Variants in ABLIM2 observed in about 807,000 individuals in gnomAD.
ABLIM2 encodes the protein actin-binding LIM protein 2.
Under a neutral mutation model 97.7 loss-of-function variants are expected in ABLIM2, and 53 were observed. That is an observed-to-expected ratio of 0.54 (90% CI 0.44 to 0.68). The LOEUF (loss-of-function observed/expected upper bound fraction) is 0.68, where lower values mean the gene tolerates loss of function less well. Among genes scored for constraint, ABLIM2 ranks in the 30% least tolerant of loss-of-function variants. The pLI is 0.00. For synonymous variants in ABLIM2, 361 were observed against 345.8 expected (o/e 1.04, Z -0.49); for missense variants, 835 against 867.2 (o/e 0.96, Z 0.47).
intron 20 of ABLIM2, among the ~76,000 whole-genome samples, chr4:7,976,846 T>C (rs1020133810): frequency 8.6e-5 from 13 of 151,832 alleles, no homozygotes; most frequent in East Asian, 7.7e-4. Flanking sequence ...TGCACACACA[T>C]ATACACACAT....
chr4:8,012,550 C>T (rs1166369060), intron 14 of ABLIM2, among the ~76,000 whole-genome samples: 1 of 149,822 alleles, frequency 6.7e-6, no homozygotes, highest in Non-Finnish European at 1.5e-5. Context: ...ATCCATCTAC[C>T]CACTCACCCA....
intron 9 of ABLIM2, 98 bp downstream of exon 9, chr4:8,045,066 C>A (rs760827011): frequency 3.6e-6 from 4 of 1,096,502 alleles, no homozygotes; most frequent in Non-Finnish European, 5.6e-6. Flanking sequence ...TGATAGTTCT[C>A]GGAAAACTCT....
chr4:7,991,421 T>C (rs1055338461), intron 17 of ABLIM2, among the ~76,000 whole-genome samples: 1 of 152,202 alleles, frequency 6.6e-6, no homozygotes, highest in African/African-American at 2.4e-5. Context: ...AACACTGTGC[T>C]CACCAGCCCC....
At chr4:8,118,880 G>A (rs1843974963) in intron 1 of ABLIM2, among the ~76,000 whole-genome samples, 1 of 152,186 alleles carries the variant, frequency 6.6e-6, no homozygotes, top group Non-Finnish European at 1.5e-5. Context: ...GGAGGCTTCA[G>A]GACCTAAGCG....
chr4:8,034,521 G>GGGT (rs374125470), intron 10 of ABLIM2, among the ~76,000 whole-genome samples: 10 of 51,800 alleles, frequency 1.9e-4, no homozygotes, highest in African/African-American at 2.7e-4. Flanking sequence ...GGGTGCAGGT[G>GGGT]GGTGGGTGGT....
chr4:8,135,199 G>A (rs767546434), intron 1 of ABLIM2, among the ~76,000 whole-genome samples: 14 of 152,194 alleles, frequency 9.2e-5, no homozygotes, highest in African/African-American at 3.1e-4. Context: ...TAAGGACAAC[G>A]ACACATGATA....
chr4:8,070,460 C>T (rs1561149500), intron 6 of ABLIM2, among the ~76,000 whole-genome samples: 2 of 152,014 alleles, frequency 1.3e-5, no homozygotes, highest in Admixed American at 1.3e-4. Context: ...TGAGAAGTCG[C>T]TATCACCTCT....
intron 3 of ABLIM2, among the ~76,000 whole-genome samples, chr4:8,094,747 G>A (rs1830540421): frequency 6.6e-6 from 1 of 152,174 alleles, no homozygotes; most frequent in Admixed American, 6.5e-5. Context: ...GACAATATGA[G>A]GGGTGGTCTC....
At chr4:8,034,817 A>G (rs1303992629) in intron 10 of ABLIM2, among the ~76,000 whole-genome samples, 1 of 25,666 alleles carries the variant, frequency 3.9e-5, no homozygotes, top group South Asian at 2.6e-3. Flanking sequence ...AGGTGGGTGC[A>G]GGTGGGTGGT....
chr4:8,110,905 T>G (rs1006559069), intron 1 of ABLIM2, among the ~76,000 whole-genome samples: 10 of 152,034 alleles, frequency 6.6e-5, no homozygotes, highest in Non-Finnish European at 1.5e-4. Flanking sequence ...GGAACACAGG[T>G]AGGTAAGTGG....
At chr4:7,991,071 G>A (rs910251067) in intron 17 of ABLIM2, among the ~76,000 whole-genome samples, 8 of 152,192 alleles carry the variant, frequency 5.3e-5, no homozygotes, top group Non-Finnish European at 1.2e-4. Context: ...TTCACAGAAA[G>A]TTTAGTTCTT....
intron 1 of ABLIM2, among the ~76,000 whole-genome samples, chr4:8,111,653 G>A (rs1043496747): frequency 1.3e-5 from 2 of 152,148 alleles, no homozygotes; most frequent in Non-Finnish European, 2.9e-5. Context: ...TAGGCCAGGC[G>A]CTATGGCTCA....
At chr4:8,102,853 T>C (rs1835355569) in intron 2 of ABLIM2, among the ~76,000 whole-genome samples, 2 of 152,192 alleles carry the variant, frequency 1.3e-5, no homozygotes, top group African/African-American at 4.8e-5. Context: ...GAGCCCCCCG[T>C]TCCTCTTTGC....
intron 1 of ABLIM2, among the ~76,000 whole-genome samples, chr4:8,126,645 C>T (rs902169514): frequency 2.6e-5 from 4 of 152,090 alleles, no homozygotes; most frequent in East Asian, 1.9e-4. Context: ...TGCTGTCCCC[C>T]GAGCAGGACA....
chr4:7,979,863 C>T (rs1736612630), intron 20 of ABLIM2, among the ~76,000 whole-genome samples: 1 of 152,186 alleles, frequency 6.6e-6, no homozygotes, highest in Non-Finnish European at 1.5e-5. Flanking sequence ...ATTACCTACT[C>T]AAGGGCAGAG....
chr4:7,999,224 T>C lies in ABLIM2; in HGVS notation c.1619-6297A>G, dbSNP rs1479924640. Reference sequence around the variant, plus strand: ...ACAGGCATGTACCACTGCGCCCAGCTAATTTTGTATTTTTAGTAGAGACAA... The same window carrying C: ...ACAGGCATGTACCACTGCGCCCAGCCAATTTTGTATTTTTAGTAGAGACAA... On this transcript the variant is annotated intron_variant, in intron 16 of 20. Transcript: ENST00000447017. The surrounding 1 kb of genome is among the most constrained non-coding windows in gnomAD (Gnocchi z 4.4). 6.6e-6 allele frequency among the ~76,000 whole-genome samples: 1 copy of C among 152,086 alleles called. No individual in the cohort carries two copies. Among genetic ancestry groups the C allele is most frequent in the African/African-American group, 2.4e-5 (1 of 41,402 alleles).
chr4:8,029,139 G>A (rs1380122049), intron 11 of ABLIM2, among the ~76,000 whole-genome samples: 1 of 152,164 alleles, frequency 6.6e-6, no homozygotes, highest in African/African-American at 2.4e-5. Flanking sequence ...TGACTGGCGG[G>A]GACCTCTCAC....
At chr4:8,118,201 C>G (rs367710004) in intron 1 of ABLIM2, among the ~76,000 whole-genome samples, 5 of 152,196 alleles carry the variant, frequency 3.3e-5, no homozygotes, top group Admixed American at 2.6e-4. Context: ...ACAGCATGAG[C>G]TCAACACACG....
intron 1 of ABLIM2, among the ~76,000 whole-genome samples, chr4:8,153,002 G>A (rs1193126939): frequency 6.6e-6 from 1 of 152,198 alleles, no homozygotes; most frequent in Non-Finnish European, 1.5e-5. Flanking sequence ...AGCAAGGAAG[G>A]GCCCTAAGTA....
Sources: allele counts gnomAD v4.1 joint callset (sites outside exome capture counted in the v4.1 genomes callset), GRCh38; gene constraint gnomAD v4.1.1; non-coding constraint Gnocchi (gnomAD v3.1); transcripts MANE v1.5; gene names NCBI Gene and HGNC (gene_info 2026-07-23, HGNC 2026-07-21).